The following PCDH11X variants were observed in gnomAD, a reference collection of about 807,000 sequenced individuals.
PCDH11X encodes the protein protocadherin-11 X-linked.
A neutral mutation model predicts 53.3 loss-of-function variants in PCDH11X; 18 were observed. The observed-to-expected ratio is 0.34, with a 90% CI of 0.23 to 0.50. PCDH11X has a LOEUF of 0.50. Among genes scored for constraint, PCDH11X ranks in the 20% least tolerant of loss-of-function variants. The pLI is 0.98. For synonymous variants in PCDH11X, 279 were observed against 393.3 expected, an observed-to-expected ratio of 0.71 and a Z score of 3.44; for missense variants, 570 against 1,032.4, an observed-to-expected ratio of 0.55 and a Z score of 6.14.
intron 4 of PCDH11X, among the ~76,000 whole-genome samples, chrX:91,832,486 C>T (rs1429903374): frequency 1.4e-5 from 1 of 72,959 alleles, no homozygotes; most frequent in African/African-American, 5.5e-5. Flanking sequence ...CACATCGGGG[C>T]CTGTTGTGGG....
At chrX:92,450,298 G>A (rs1364917685) in intron 9 of PCDH11X, among the ~76,000 whole-genome samples, 1 of 107,648 alleles carries the variant, frequency 9.3e-6, no homozygotes, top group Non-Finnish European at 1.9e-5. Flanking sequence ...TCAGAGGTAA[G>A]ATGGTTCATC....
At chrX:92,409,995 G>A (rs1227554510) in intron 9 of PCDH11X, among the ~76,000 whole-genome samples, 3 of 110,417 alleles carry the variant, frequency 2.7e-5, no homozygotes, top group Non-Finnish European at 3.8e-5. Flanking sequence ...TAGGACTGGT[G>A]GCAAAAAATG....
chrX:92,293,881 G>A (rs1340304948), intron 8 of PCDH11X, among the ~76,000 whole-genome samples: 1 of 107,810 alleles, frequency 9.3e-6, no homozygotes, highest in Admixed American at 1.0e-4. Flanking sequence ...ATGATGTAAT[G>A]TGGAACCCTA....
chrX:92,138,979 T>G (rs2065129057), intron 6 of PCDH11X, among the ~76,000 whole-genome samples: 1 of 108,799 alleles, frequency 9.2e-6, no homozygotes, highest in Admixed American at 1.0e-4. Flanking sequence ...ATTTTAATTT[T>G]ATTGGACAGA....
At chrX:92,537,374 TAA>T (rs1165500685) in intron 10 of PCDH11X, among the ~76,000 whole-genome samples, 1 of 109,434 alleles carries the variant, frequency 9.1e-6, no homozygotes, top group Non-Finnish European at 1.9e-5. Flanking sequence ...AAAATAAAAA[TAA>T]AAAGATATTT....
intron 6 of PCDH11X, among the ~76,000 whole-genome samples, chrX:92,016,125 G>A (rs1275990734): frequency 8.9e-6 from 1 of 112,783 alleles, no homozygotes; most frequent in Non-Finnish European, 1.9e-5. Context: ...CTTTTTTTTA[G>A]CATTAGGGAT....
At chrX:92,075,510 C>T (rs2063760749) in intron 6 of PCDH11X, among the ~76,000 whole-genome samples, 1 of 111,661 alleles carries the variant, frequency 9.0e-6, no homozygotes, top group Non-Finnish European at 1.9e-5. Context: ...ATCATATTCA[C>T]CTCTGTGGCA....
At chrX:92,326,088 T>C (rs1159400912) in intron 8 of PCDH11X, among the ~76,000 whole-genome samples, 2 of 111,834 alleles carry the variant, frequency 1.8e-5, no homozygotes, top group African/African-American at 6.5e-5. Flanking sequence ...GTATTATGTC[T>C]CACAGTATCT....
chrX:92,373,500 G>A lies in PCDH11X; in HGVS notation c.3145-14235G>A, dbSNP rs949319490. Reference sequence around the variant, plus strand: ...TCAGAGTGAACTTCTTGCACCTGCTGTTTTTCAAATGCCTTTAGCTCAAAA... The same window carrying A: ...TCAGAGTGAACTTCTTGCACCTGCTATTTTTCAAATGCCTTTAGCTCAAAA... On this transcript the variant is annotated intron_variant, in intron 8 of 10. Coordinates refer to ENST00000682573, the MANE Select transcript of PCDH11X (RefSeq NM_032968.5). Among the ~76,000 whole-genome samples, 126 of 111,303 alleles carry A rather than the reference G, an allele frequency of 1.1e-3. 1 individual carries two copies. Among genetic ancestry groups the A allele is most frequent in the Non-Finnish European group, 2.0e-3 (104 of 53,084 alleles).
At chrX:92,258,662 C>T (rs747241255) in intron 7 of PCDH11X, among the ~76,000 whole-genome samples, 27 of 111,953 alleles carry the variant, frequency 2.4e-4, no homozygotes, top group Admixed American at 2.8e-4. Flanking sequence ...CCACTGCATC[C>T]GGCCTAGTTA....
intron 8 of PCDH11X, among the ~76,000 whole-genome samples, chrX:92,377,355 A>C (rs2522608): frequency 0.41 from 44,409 of 108,787 alleles, 7,127 homozygotes; most frequent in Non-Finnish European, 0.49. Context: ...CTTAAGCACA[A>C]ATCTCTTTTA....
At chrX:92,018,414 T>C (rs1217677555) in intron 6 of PCDH11X, among the ~76,000 whole-genome samples, 3 of 112,134 alleles carry the variant, frequency 2.7e-5, no homozygotes, top group Non-Finnish European at 5.6e-5. Context: ...TAACAGTTTT[T>C]TAAAAATTGA....
At chrX:92,575,075 C>T (rs985686454) in intron 10 of PCDH11X, among the ~76,000 whole-genome samples, 1 of 110,638 alleles carries the variant, frequency 9.0e-6, no homozygotes, top group Non-Finnish European at 1.9e-5. Flanking sequence ...CGTTTTTCAT[C>T]ACTTCATTCT....
chrX:92,450,939 T>A (rs1273325793), intron 9 of PCDH11X, among the ~76,000 whole-genome samples: 2 of 111,604 alleles, frequency 1.8e-5, no homozygotes, highest in Non-Finnish European at 3.8e-5. Context: ...GTTGACTTCA[T>A]CAAGTCAATG....
intron 8 of PCDH11X, among the ~76,000 whole-genome samples, chrX:92,288,953 G>A (rs956365261): frequency 4.5e-5 from 5 of 110,521 alleles, no homozygotes; most frequent in African/African-American, 1.3e-4. Context: ...AGTTGATCCC[G>A]CTATAATTTC....
intron 6 of PCDH11X, chrX:92,114,390 C>T: frequency 9.1e-7 from 1 of 1,093,862 alleles, no homozygotes. Context: ...TCCAGTTACT[C>T]TCGATGACGC....
In PCDH11X at chrX:92,112,924, A is replaced by G. The variant is rs1019340874; in HGVS notation, c.3034-88451A>G. Among the ~76,000 whole-genome samples, 93 of 109,427 alleles carry G rather than the reference A, an allele frequency of 8.5e-4. 2 individuals are homozygous for G. The highest frequency in any genetic ancestry group is 1.5e-3 in the Non-Finnish European group (80 of 53,118). On this transcript the variant is annotated intron_variant, in intron 6 of 10. Coordinates refer to ENST00000682573, the MANE Select transcript of PCDH11X (RefSeq NM_032968.5). ...AACGCCAGTGCTAGATTATATTTAA[A>G]ACACTTAGTTTATTGATTAACTTCC...
At chrX:91,837,132 G>T (rs1292172072) in intron 5 of PCDH11X, among the ~76,000 whole-genome samples, 4 of 106,574 alleles carry the variant, frequency 3.8e-5, no homozygotes, top group Non-Finnish European at 7.7e-5. Flanking sequence ...TGAAGGTTTT[G>T]ACCTGGAGGA....
At chrX:92,213,886 T>G (rs769043144) in intron 7 of PCDH11X, among the ~76,000 whole-genome samples, 1 of 74,798 alleles carries the variant, frequency 1.3e-5, no homozygotes, top group East Asian at 3.0e-4. Context: ...GGAGTTTCAG[T>G]TTTCAAATAT....
Sources: allele counts gnomAD v4.1 joint callset (sites outside exome capture counted in the v4.1 genomes callset), GRCh38; gene constraint gnomAD v4.1.1; transcripts MANE v1.5; gene names NCBI Gene and HGNC (gene_info 2026-07-23, HGNC 2026-07-21).